The following HVCN1 variants were observed in gnomAD, a reference collection of about 807,000 sequenced individuals.
The protein encoded by HVCN1 is hydrogen voltage gated channel 1.
A neutral mutation model predicts 29.2 loss-of-function variants in HVCN1; 14 were observed. The ratio of observed to expected loss-of-function variants is 0.48; its 90% CI spans 0.32 to 0.75. The LOEUF (loss-of-function observed/expected upper bound fraction) is 0.75. HVCN1 is among the 30% of genes least tolerant of loss of function. The probability of loss-of-function intolerance (pLI) is 0.04; values close to 1 mark genes in which losing one functional copy is unlikely to be tolerated. For synonymous variants in HVCN1, 131 were observed against 133.2 expected, an observed-to-expected ratio of 0.98 and a Z score of 0.11; for missense variants, 263 against 341.8, an observed-to-expected ratio of 0.77 and a Z score of 1.82.
intron 2 of HVCN1, among the ~76,000 whole-genome samples, chr12:110,687,266 C>G (rs867763123): frequency 5.3e-5 from 8 of 150,542 alleles, no homozygotes; most frequent in South Asian, 4.2e-4. Flanking sequence ...CACCCCCCCC[C>G]CCCAGCTAAG....
chr12:110,661,915 G>A lies in HVCN1; in HGVS notation c.22-467C>T, dbSNP rs1038503034. Among the ~76,000 whole-genome samples, 10 of 152,318 alleles carry A rather than the reference G, an allele frequency of 6.6e-5. No homozygotes were observed. Among genetic ancestry groups the A allele is most frequent in the African/African-American group, 2.2e-4 (9 of 41,584 alleles). On this transcript the variant is annotated intron_variant, in intron 3 of 7. Transcript: ENST00000242607. This position sits in a 1 kb window ranked among gnomAD's most constrained non-coding sequence, Gnocchi z 6.2. ...CATCACGCCACACATCCTGACAGGC[G>A]CGTGGCAGATGGACATTTTCCAAGT...
chr12:110,684,887 G>A (rs1172982143), intron 2 of HVCN1, among the ~76,000 whole-genome samples: 1 of 152,128 alleles, frequency 6.6e-6, no homozygotes, highest in African/African-American at 2.4e-5. Context: ...GCCTTCTGGA[G>A]TATTCTATGC....
chr12:110,693,390 C>T (rs1325214517), upstream of HVCN1, among the ~76,000 whole-genome samples: 3 of 151,808 alleles, frequency 2.0e-5, no homozygotes, highest in African/African-American at 7.3e-5. Context: ...CTAAAAAATA[C>T]AAAATTAGCC....
chr12:110,657,009 G>A (rs952994659), intron 4 of HVCN1, among the ~76,000 whole-genome samples: 6 of 152,190 alleles, frequency 3.9e-5, no homozygotes, highest in African/African-American at 1.4e-4. Flanking sequence ...ATGAGGTTCT[G>A]ACCCCCGCTC....
At chr12:110,667,402 G>A (rs2068408504) in intron 3 of HVCN1, among the ~76,000 whole-genome samples, 1 of 152,072 alleles carries the variant, frequency 6.6e-6, no homozygotes, top group African/African-American at 2.4e-5. Flanking sequence ...CCAAAGTGCT[G>A]GGATTACACG....
intron 4 of HVCN1, among the ~76,000 whole-genome samples, chr12:110,659,142 G>C (rs2068082700): frequency 6.6e-6 from 1 of 152,126 alleles, no homozygotes. Flanking sequence ...TTGCTTTGCT[G>C]CTTTCAGCTT....
At chr12:110,680,181 C>T (rs1317934922) in intron 3 of HVCN1, among the ~76,000 whole-genome samples, 3 of 152,222 alleles carry the variant, frequency 2.0e-5, no homozygotes, top group Non-Finnish European at 2.9e-5. Context: ...GGTCCTGGCT[C>T]TTTCCCCAGC....
At chr12:110,700,904 A>G (rs1013946595) in intron 2 of HVCN1, among the ~76,000 whole-genome samples, 1 of 152,178 alleles carries the variant, frequency 6.6e-6, no homozygotes. Context: ...GGCTGACCTA[A>G]CCAGGCTAGT....
intron 3 of HVCN1, among the ~76,000 whole-genome samples, chr12:110,681,510 T>C (rs1382005656): frequency 6.6e-6 from 1 of 152,234 alleles, no homozygotes; most frequent in Non-Finnish European, 1.5e-5. Flanking sequence ...TTGCCTAATT[T>C]AATAGGGAAC....
chr12:110,679,976 T>C (rs2068899919), intron 3 of HVCN1, among the ~76,000 whole-genome samples: 1 of 152,152 alleles, frequency 6.6e-6, no homozygotes, highest in Non-Finnish European at 1.5e-5. Flanking sequence ...GTCTGCACCA[T>C]GGCTACAAAA....
chr12:110,663,718 G>A (rs890722234), intron 3 of HVCN1, among the ~76,000 whole-genome samples: 2 of 151,578 alleles, frequency 1.3e-5, no homozygotes, highest in African/African-American at 4.9e-5. Context: ...AATTAACTGC[G>A]TCTCAGTATG....
At chr12:110,673,612 G>C (rs1193387475) in intron 3 of HVCN1, among the ~76,000 whole-genome samples, 1 of 152,110 alleles carries the variant, frequency 6.6e-6, no homozygotes, top group African/African-American at 2.4e-5. Flanking sequence ...GGAAAAAGTG[G>C]TTTCATGGGC....
chr12:110,700,915 G>A (rs983280041), intron 2 of HVCN1, among the ~76,000 whole-genome samples: 1 of 152,222 alleles, frequency 6.6e-6, no homozygotes, highest in Admixed American at 6.5e-5. Context: ...CCAGGCTAGT[G>A]GGGCTCAAGA....
intron 3 of HVCN1, among the ~76,000 whole-genome samples, chr12:110,671,252 G>A (rs2068564758): frequency 6.6e-6 from 1 of 152,106 alleles, no homozygotes; most frequent in African/African-American, 2.4e-5. Context: ...GCTTGAACTC[G>A]AGAGGCTGCA....
Position 110,648,886 on chromosome 12 carries a change from C to T in HVCN1, c.*524G>A. 1 of 386,126 alleles carries T rather than the reference C, an allele frequency of 2.6e-6. No homozygotes were observed. The highest frequency in any genetic ancestry group is 5.0e-6 in the Non-Finnish European group (1 of 201,712). The allele number at this position is 386,126 out of a possible 1,614,324, so 23.9% of individuals were successfully genotyped here. ...GTCAGGTGGCAGAAAACAATGGAGC[C>T]ACCTAGAAGCTGGCTGATGCAGCTG... On this transcript the variant is annotated 3_prime_UTR_variant, in exon 8 of 8. Transcript: ENST00000242607.
At position 110,658,638 on chromosome 12, in the gene HVCN1, TC is replaced by T. The variant is rs2068064828; in HGVS notation, c.306+2525del. Among the ~76,000 whole-genome samples, 1 of 151,390 alleles carries T rather than the reference TC, an allele frequency of 6.6e-6. No homozygotes were observed. The highest frequency in any genetic ancestry group is 1.5e-5 in the Non-Finnish European group (1 of 67,796). On this transcript the variant is annotated intron_variant, in intron 4 of 7. Coordinates refer to ENST00000242607, the MANE Select transcript of HVCN1 (RefSeq NM_032369.4). The surrounding 1 kb of genome is among the most constrained non-coding windows in gnomAD (Gnocchi z 5.0). ...CCTTCGACTCCAGTCCCTGATCAGG[TC>T]CCCCCACCCCCAGGACCTCTCAGAG...
rs140015224 is a variant in HVCN1, at chr12:110,653,703, G to A, written c.411+1531C>T. The stretch of plus-strand genomic sequence containing the variant: ...CTAAAAATAAAAAAATTAGCTGGGT[G>A]TGGTGGCGGGCACCTGTAATCCCAG... On this transcript the variant is annotated intron_variant, in intron 5 of 7. Coordinates refer to ENST00000242607, the MANE Select transcript of HVCN1 (RefSeq NM_032369.4). Among the ~76,000 whole-genome samples, 433 of 152,208 alleles carry A rather than the reference G, an allele frequency of 2.8e-3. 2 individuals are homozygous for A. The highest frequency in any genetic ancestry group is 9.5e-3 in the African/African-American group (394 of 41,536).
At chr12:110,704,564 G>A (rs1386763002) in intron 1 of HVCN1, among the ~76,000 whole-genome samples, 3 of 152,086 alleles carry the variant, frequency 2.0e-5, no homozygotes, top group African/African-American at 4.8e-5. Context: ...AGGCTGAGAC[G>A]GGAGGATCAC....
chr12:110,697,968 A>G (rs1276106929), intron 2 of HVCN1, among the ~76,000 whole-genome samples: 1 of 151,962 alleles, frequency 6.6e-6, no homozygotes, highest in Non-Finnish European at 1.5e-5. Flanking sequence ...TCTTGTCTCC[A>G]TTTCACAGCT....
Sources: gnomAD v4.1 joint callset for allele counts (sites outside exome capture counted in the v4.1 genomes callset) on GRCh38, gnomAD v4.1.1 for gene constraint, Gnocchi (gnomAD v3.1) non-coding constraint, MANE v1.5 for transcripts, NCBI Gene and HGNC (gene_info 2026-07-23, HGNC 2026-07-21) for gene names.